Variants in SLC35F4 observed in about 807,000 individuals in gnomAD.
SLC35F4 encodes the protein solute carrier family 35 member F4, also known as chromosome 14 open reading frame 36.
In SLC35F4, 24 loss-of-function variants were observed where a neutral mutation model predicts 44.2. The ratio of observed to expected loss-of-function variants is 0.54; its 90% CI spans 0.39 to 0.76. The LOEUF (loss-of-function observed/expected upper bound fraction) is 0.76, where lower values mean the gene tolerates loss of function less well. Ranked by LOEUF, SLC35F4 falls within the 30% of genes least tolerant of loss-of-function variation. The pLI, the probability that SLC35F4 is intolerant of heterozygous loss-of-function variation, is 0.00. For missense variants in SLC35F4, 562 were observed against 586.1 expected, an observed-to-expected ratio of 0.96 and a Z score of 0.42; for synonymous variants, 238 against 223.6, an observed-to-expected ratio of 1.06 and a Z score of -0.57.
Position 57,664,780 on chromosome 14 carries a change from AT to A in SLC35F4, c.104-70657del, listed in dbSNP as rs1258026280. 2.0e-5 allele frequency among the ~76,000 whole-genome samples: 3 copies of A among 152,302 alleles called. No individual in the cohort carries two copies. The East Asian group carries it at 5.8e-4, about 29-fold the overall frequency. On this transcript the variant is annotated intron_variant, in intron 1 of 7. Coordinates refer to ENST00000556826, the MANE Select transcript of SLC35F4 (RefSeq NM_001306087.2). ...TGCTTCCGTCCATGAGTGGCAATAA[AT>A]GTATCAACTACTGGGAGTTGCTTCC...
At chr14:57,584,711 G>A (rs971854808) in intron 3 of SLC35F4, among the ~76,000 whole-genome samples, 1 of 152,076 alleles carries the variant, frequency 6.6e-6, no homozygotes, top group African/African-American at 2.4e-5. Context: ...TGGAAAAAAT[G>A]AAGTGCATTC....
intron 3 of SLC35F4, among the ~76,000 whole-genome samples, chr14:57,584,246 C>G (rs1291956084): frequency 1.3e-5 from 2 of 152,078 alleles, no homozygotes; most frequent in Admixed American, 1.3e-4. Context: ...AAAACTACTT[C>G]TAAATACAGT....
At chr14:57,619,035 C>T (rs2072024708) in intron 1 of SLC35F4, among the ~76,000 whole-genome samples, 1 of 152,146 alleles carries the variant, frequency 6.6e-6, no homozygotes, top group African/African-American at 2.4e-5. Flanking sequence ...AAGGCGGCAG[C>T]TCCAGTCAGG....
chr14:57,625,071 A>C (rs890726700), intron 1 of SLC35F4, among the ~76,000 whole-genome samples: 3 of 152,240 alleles, frequency 2.0e-5, no homozygotes, highest in Admixed American at 1.3e-4. Context: ...ATCTCAGCCC[A>C]AAATCTCCTT....
rs181979893 is a variant in SLC35F4 at position 57,883,162 on chromosome 14, T to C, written n.282+98751A>G. Among the ~76,000 whole-genome samples the C allele has an allele frequency of 4.7e-3, 710 of 152,186 alleles. 7 individuals are homozygous for C. Among genetic ancestry groups the C allele is most frequent in the African/African-American group, 0.016 (681 of 41,520 alleles). On this transcript the variant is annotated intron_variant and non_coding_transcript_variant, in intron 1 of 1. Coordinates refer to the SLC35F4 transcript ENST00000556568. ...CCAGACCAAAGCTTAAAGCAAAGCCTGGTATAGATGAGGCCAACCCCCCAT... is the reference window on the plus strand; with the variant it reads ...CCAGACCAAAGCTTAAAGCAAAGCCCGGTATAGATGAGGCCAACCCCCCAT...
chr14:57,631,464 G>T (rs10147239), intron 1 of SLC35F4, among the ~76,000 whole-genome samples: 91,331 of 151,936 alleles, frequency 0.6, 29,681 homozygotes, highest in Non-Finnish European at 0.73. Flanking sequence ...ACAGCTGTTG[G>T]AAGCAAACTT....
intron 1 of SLC35F4, among the ~76,000 whole-genome samples, chr14:57,638,631 T>C (rs1217576257): frequency 6.6e-6 from 1 of 152,130 alleles, no homozygotes; most frequent in Non-Finnish European, 1.5e-5. Context: ...TATAATTGTG[T>C]GATTTTTCAG....
chr14:57,965,792 T>C (rs1323754478), intron 1 of SLC35F4, among the ~76,000 whole-genome samples: 1 of 152,194 alleles, frequency 6.6e-6, no homozygotes, highest in Non-Finnish European at 1.5e-5. Context: ...ATAAACCTAT[T>C]TGCCCTGCTC....
At position 57,576,697 on chromosome 14, in the gene SLC35F4, G is replaced by A. The variant is rs1453907945; in HGVS notation, c.807+4517C>T. On this transcript the variant is annotated intron_variant, in intron 4 of 7. Transcript: ENST00000556826. Reference sequence around the variant, plus strand: ...TGCTGTGTGTGACAGGGGGAAGGGGGGTACCTTGGATAGCAGCAAACCCAA... The same window carrying A: ...TGCTGTGTGTGACAGGGGGAAGGGGAGTACCTTGGATAGCAGCAAACCCAA... 2.0e-5 allele frequency among the ~76,000 whole-genome samples: 3 copies of A among 152,074 alleles called. No homozygotes were observed. In the South Asian group the frequency reaches 6.2e-4, roughly 32 times the overall value.
chr14:57,881,931 A>G (rs1227144861), intron 1 of SLC35F4, among the ~76,000 whole-genome samples: 1 of 152,188 alleles, frequency 6.6e-6, no homozygotes, highest in African/African-American at 2.4e-5. Flanking sequence ...CTAAGACAGC[A>G]TCTGGGCATA....
At chr14:57,779,973 C>T (rs547407760) in intron 1 of SLC35F4, among the ~76,000 whole-genome samples, 1 of 152,240 alleles carries the variant, frequency 6.6e-6, no homozygotes, top group East Asian at 1.9e-4. Context: ...CCACAGTCAA[C>T]ATCATTCTGA....
chr14:57,868,521 G>A (rs1284687068), upstream of SLC35F4, among the ~76,000 whole-genome samples: 2 of 151,274 alleles, frequency 1.3e-5, no homozygotes, highest in Non-Finnish European at 2.9e-5. Context: ...TGTCACCCAG[G>A]CTGGAGTGCA....
intron 2 of SLC35F4, among the ~76,000 whole-genome samples, chr14:57,589,733 C>A (rs1356465003): frequency 6.6e-6 from 1 of 152,222 alleles, no homozygotes; most frequent in Non-Finnish European, 1.5e-5. Context: ...GAGTCCCGAT[C>A]CAGTCCATGA....
intron 1 of SLC35F4, among the ~76,000 whole-genome samples, chr14:57,754,741 A>G (rs890822438): frequency 6.6e-6 from 1 of 152,228 alleles, no homozygotes; most frequent in Non-Finnish European, 1.5e-5. Context: ...GCCTCTGGGT[A>G]TAGCAAAGAT....
chr14:57,774,223 AC>A (rs1309604691), intron 1 of SLC35F4, among the ~76,000 whole-genome samples: 1 of 152,032 alleles, frequency 6.6e-6, no homozygotes, highest in Middle Eastern at 3.4e-3. Context: ...GAAGCTGGAA[AC>A]CCTGCATGGG....
At position 57,877,617 on chromosome 14, in the gene SLC35F4, G is replaced by A. The variant is rs1325373305; in HGVS notation, n.282+104296C>T. 2.7e-5 allele frequency among the ~76,000 whole-genome samples: 4 copies of A among 145,982 alleles called. No homozygotes were observed. The Admixed American group carries it at 2.7e-4, about 10-fold the overall frequency. On this transcript the variant is annotated intron_variant and non_coding_transcript_variant, in intron 1 of 1. Coordinates refer to the SLC35F4 transcript ENST00000556568. ...GCTTAACTAATTTACATTCCCACCA[G>A]TAGTATATAAGTGTTCCATTTTCTC...
intron 1 of SLC35F4, among the ~76,000 whole-genome samples, chr14:57,694,537 T>C (rs1594812673): frequency 6.6e-6 from 1 of 152,186 alleles, no homozygotes; most frequent in Non-Finnish European, 1.5e-5. Context: ...ATTTTCATGT[T>C]AATAGAAACA....
At chr14:57,622,888 T>A (rs2072267201) in intron 1 of SLC35F4, among the ~76,000 whole-genome samples, 1 of 151,904 alleles carries the variant, frequency 6.6e-6, no homozygotes, top group Non-Finnish European at 1.5e-5. Context: ...ATTGACACTA[T>A]GAAGAAACTG....
chr14:57,885,756 G>A (rs1157757497), intron 1 of SLC35F4, among the ~76,000 whole-genome samples: 2 of 152,138 alleles, frequency 1.3e-5, no homozygotes, highest in African/African-American at 4.8e-5. Flanking sequence ...GAAAGCGCTG[G>A]TGTAGACTGG....
Sources: allele counts gnomAD v4.1 joint callset (sites outside exome capture counted in the v4.1 genomes callset), GRCh38; gene constraint gnomAD v4.1.1; transcripts MANE v1.5; gene names NCBI Gene and HGNC (gene_info 2026-07-23, HGNC 2026-07-21).